SPRY3: variants seen among roughly 807,000 people sequenced by gnomAD.
SPRY3 encodes protein sprouty homolog 3.
A neutral mutation model predicts 20.2 loss-of-function variants in SPRY3; 15 were observed. That is an observed-to-expected ratio of 0.74 (90% CI 0.50 to 1.14). SPRY3 has a LOEUF of 1.14. SPRY3 is among the 50% of genes most tolerant of loss of function. The probability of loss-of-function intolerance (pLI) is 0.00; values close to 1 mark genes in which losing one functional copy is unlikely to be tolerated. For synonymous variants in SPRY3, 143 were observed against 136.5 expected (o/e 1.05, Z -0.33); for missense variants, 364 against 363.9 (o/e 1.00, Z 0.00).
At chrX:155,736,300 G>A (rs2091168937) in intron 2 of SPRY3, among the ~76,000 whole-genome samples, 1 of 151,776 alleles carries the variant, frequency 6.6e-6, no homozygotes, top group Non-Finnish European at 1.5e-5. Flanking sequence ...CCAGATCCAT[G>A]TGTCTGACCT....
chrX:155,750,661 G>A (rs2091257830), intron 2 of SPRY3, among the ~76,000 whole-genome samples: 1 of 151,724 alleles, frequency 6.6e-6, no homozygotes. Flanking sequence ...TGTCAGCAAG[G>A]GTAGCTTGTA....
At chrX:155,781,355 C>G (rs2091462176), downstream of SPRY3, 2 of 166,996 alleles carry the variant, frequency 1.2e-5, no homozygotes, top group South Asian at 4.2e-4. Context: ...TACCCTGAGA[C>G]CAATTAAGTC....
At chrX:155,760,353 C>T (rs1602995150) in intron 2 of SPRY3, among the ~76,000 whole-genome samples, 1 of 152,200 alleles carries the variant, frequency 6.6e-6, no homozygotes, top group Non-Finnish European at 1.5e-5. Context: ...ACTTCCAAGG[C>T]CTTAGCATAA....
chrX:155,681,279 CT>C (rs1250656923), intron 2 of SPRY3, among the ~76,000 whole-genome samples: 2 of 111,806 alleles, frequency 1.8e-5, no homozygotes. Context: ...GCTTTTGCAT[CT>C]TCCTCATTCT....
chrX:155,723,182 T>C (rs889314003), intron 2 of SPRY3, among the ~76,000 whole-genome samples: 1 of 152,170 alleles, frequency 6.6e-6, no homozygotes, highest in Non-Finnish European at 1.5e-5. Flanking sequence ...CAGTCTATCA[T>C]TGATGGACAT....
intron 1 of SPRY3, among the ~76,000 whole-genome samples, chrX:155,640,517 G>A (rs1452047842): frequency 9.0e-6 from 1 of 111,514 alleles, no homozygotes; most frequent in East Asian, 2.8e-4. Flanking sequence ...GATTGCTTTG[G>A]GTAGTATGAA....
exon 2 of SPRY3, chrX:155,782,211 A>G (rs62618227): frequency 0.025 from 4,100 of 167,116 alleles, 81 homozygotes; most frequent in Non-Finnish European, 0.045. Flanking sequence ...GAATGGAGGA[A>G]AGGGGCTTTC....
chrX:155,756,410 A>G (rs1471146990), intron 2 of SPRY3, among the ~76,000 whole-genome samples: 1 of 152,144 alleles, frequency 6.6e-6, no homozygotes, highest in African/African-American at 2.4e-5. Flanking sequence ...GCTTAATGCA[A>G]TATTCACCAC....
At chrX:155,615,836 T>C (rs1009274570) in intron 1 of SPRY3, among the ~76,000 whole-genome samples, 3 of 111,346 alleles carry the variant, frequency 2.7e-5, no homozygotes, top group African/African-American at 9.8e-5. Flanking sequence ...TAGTAACCTA[T>C]ACAATTAATT....
At chrX:155,639,008 C>T (rs374261311) in intron 1 of SPRY3, among the ~76,000 whole-genome samples, 1 of 111,494 alleles carries the variant, frequency 9.0e-6, no homozygotes, top group East Asian at 2.8e-4. Flanking sequence ...GGACTCACTC[C>T]TTTTGGGTTC....
intron 2 of SPRY3, among the ~76,000 whole-genome samples, chrX:155,720,129 G>A (rs757965495): frequency 2.0e-5 from 3 of 152,246 alleles, no homozygotes; most frequent in Admixed American, 2.0e-4. Context: ...GAGCCCTTGG[G>A]CTCTAAGTGA....
intron 2 of SPRY3, among the ~76,000 whole-genome samples, chrX:155,687,531 C>T (rs1231233948): frequency 8.9e-6 from 1 of 112,101 alleles, no homozygotes; most frequent in African/African-American, 3.2e-5. Flanking sequence ...TGACTGAATC[C>T]AGGAACTCAA....
At chrX:155,715,298 C>A (rs2091014653) in intron 2 of SPRY3, among the ~76,000 whole-genome samples, 1 of 152,084 alleles carries the variant, frequency 6.6e-6, no homozygotes. Context: ...GTGATAAATC[C>A]TGCCAGGACT....
chrX:155,723,659 G>A (rs2091077803), intron 2 of SPRY3, among the ~76,000 whole-genome samples: 1 of 152,048 alleles, frequency 6.6e-6, no homozygotes, highest in South Asian at 2.1e-4. Context: ...ATTTGTTTAA[G>A]TTCCTTGTAG....
At chrX:155,619,640 G>T (rs1203501623) in intron 1 of SPRY3, among the ~76,000 whole-genome samples, 2 of 110,792 alleles carry the variant, frequency 1.8e-5, no homozygotes, top group African/African-American at 6.5e-5. Flanking sequence ...TTAGGCAATT[G>T]TTTCTCAAAA....
chrX:155,749,028 A>G (rs949798547), intron 2 of SPRY3, among the ~76,000 whole-genome samples: 3 of 151,946 alleles, frequency 2.0e-5, no homozygotes, highest in African/African-American at 7.2e-5. Context: ...GAAGTGAACT[A>G]TATGGATAAA....
intron 1 of SPRY3, among the ~76,000 whole-genome samples, chrX:155,620,381 C>G (rs2067867492): frequency 9.0e-6 from 1 of 111,682 alleles, no homozygotes; most frequent in African/African-American, 3.2e-5. Context: ...TATACTCATA[C>G]AGTCTTCTGC....
chrX:155,705,235 G>A (rs1200611344), intron 2 of SPRY3, among the ~76,000 whole-genome samples: 1 of 151,452 alleles, frequency 6.6e-6, no homozygotes, highest in African/African-American at 2.4e-5. Flanking sequence ...ACAATGGATG[G>A]GAGGGAGCAA....
chrX:155,627,161 G>A (rs782599451), intron 1 of SPRY3, among the ~76,000 whole-genome samples: 1 of 111,437 alleles, frequency 9.0e-6, no homozygotes, highest in South Asian at 3.7e-4. Flanking sequence ...TCACCATACT[G>A]TACGATAGAA....
Sources: allele counts gnomAD v4.1 joint callset (sites outside exome capture counted in the v4.1 genomes callset), GRCh38; gene constraint gnomAD v4.1.1; transcripts MANE v1.5; gene names NCBI Gene and HGNC (gene_info 2026-07-23, HGNC 2026-07-21).